ZBBX: variants seen among roughly 807,000 people sequenced by gnomAD.
The protein encoded by ZBBX is zinc finger B-box domain-containing protein 1.
ZBBX carries 101 observed loss-of-function variants against 108.5 expected under a neutral mutation model. The observed-to-expected ratio is 0.93, with a 90% CI of 0.79 to 1.10. The LOEUF is 1.10. ZBBX is among the 50% of genes least tolerant of loss of function. The pLI, the probability that ZBBX is intolerant of heterozygous loss-of-function variation, is 0.00. For synonymous variants in ZBBX, 356 were observed against 323.4 expected, an observed-to-expected ratio of 1.10 and a Z score of -1.08; for missense variants, 1,009 against 941.4, an observed-to-expected ratio of 1.07 and a Z score of -0.94.
the ZBBX span, among the ~76,000 whole-genome samples, chr3:167,182,226 G>A: frequency 6.6e-6 from 1 of 152,066 alleles, no homozygotes; most frequent in African/African-American, 2.4e-5. Context: ...GCTATGGCTT[G>A]TGCCAACAAA....
intron 1 of ZBBX, among the ~76,000 whole-genome samples, chr3:167,403,247 C>T (rs1362968236): frequency 6.6e-6 from 1 of 152,088 alleles, no homozygotes; most frequent in African/African-American, 2.4e-5. Context: ...TAACCCAACG[C>T]ATTGACATTT....
chr3:167,276,140 A>G (rs1241754316), intron 20 of ZBBX, among the ~76,000 whole-genome samples: 1 of 152,204 alleles, frequency 6.6e-6, no homozygotes, highest in Admixed American at 6.5e-5. Context: ...CATCACCATC[A>G]TCAAACAGAG....
intron 9 of ZBBX, among the ~76,000 whole-genome samples, chr3:167,338,748 T>A (rs1284351619): frequency 6.6e-6 from 1 of 151,998 alleles, no homozygotes; most frequent in East Asian, 1.9e-4. Context: ...TTTATTTGAG[T>A]TTGTTAGACA....
chr3:167,368,289 T>C (rs962488627), intron 5 of ZBBX, among the ~76,000 whole-genome samples, 172 bp downstream of exon 5: 2 of 151,888 alleles, frequency 1.3e-5, no homozygotes, highest in African/African-American at 4.8e-5. Flanking sequence ...ACATGTCTCA[T>C]CTAAGTGGCA....
At chr3:167,191,934 T>TATATATATATATATATAGAGAG in the ZBBX span, among the ~76,000 whole-genome samples, 1 of 130,224 alleles carries the variant, frequency 7.7e-6, no homozygotes, top group African/African-American at 3.0e-5. Flanking sequence ...TATATATATA[T>TATATATATATATATATAGAGAG]AGAGCAAGTT....
chr3:167,355,182 A>T (rs1397376258), intron 8 of ZBBX, among the ~76,000 whole-genome samples: 1 of 152,004 alleles, frequency 6.6e-6, no homozygotes, highest in Admixed American at 6.6e-5. Flanking sequence ...ATATAAGAAA[A>T]GTGGAACTTT....
chr3:167,301,750 G>A (rs1460488874), intron 17 of ZBBX, among the ~76,000 whole-genome samples: 1 of 152,088 alleles, frequency 6.6e-6, no homozygotes, highest in Non-Finnish European at 1.5e-5. Flanking sequence ...GAGGTCAGGA[G>A]ATCGAGACCA....
At chr3:167,180,425 C>T in the ZBBX span, among the ~76,000 whole-genome samples, 2,033 of 152,274 alleles carry the variant, frequency 0.013, 22 homozygotes, top group South Asian at 0.026. Flanking sequence ...ATTGTAGTGT[C>T]ATTTACTAAC....
At chr3:167,352,311 T>C (rs150983888) in intron 8 of ZBBX, among the ~76,000 whole-genome samples, 1 of 152,074 alleles carries the variant, frequency 6.6e-6, no homozygotes, top group African/African-American at 2.4e-5. Context: ...ACATTAAAAC[T>C]GATACCATAG....
the ZBBX span, among the ~76,000 whole-genome samples, chr3:167,187,776 C>T: frequency 6.6e-6 from 1 of 152,096 alleles, no homozygotes; most frequent in Non-Finnish European, 1.5e-5. Flanking sequence ...GCAAGGGGTA[C>T]AAAATGAATG....
chr3:167,348,364 GAAAGAAAAA>G (rs1298409573), intron 9 of ZBBX, among the ~76,000 whole-genome samples: 14 of 129,702 alleles, frequency 1.1e-4, no homozygotes, highest in African/African-American at 3.5e-4. Flanking sequence ...AAGAAAGAAA[GAAAGAAAAA>G]AAAGAAAAGA....
At chr3:167,191,608 T>C in the ZBBX span, among the ~76,000 whole-genome samples, 7 of 152,084 alleles carry the variant, frequency 4.6e-5, no homozygotes, top group African/African-American at 1.4e-4. Context: ...CCACGTAAGA[T>C]GTGACTTGCT....
intron 20 of ZBBX, 138 bp from the exon 21 acceptor site, chr3:167,242,781 T>C: frequency 1.3e-6 from 1 of 786,218 alleles, no homozygotes; most frequent in Non-Finnish European, 1.8e-6. Flanking sequence ...TATTCCTCAA[T>C]TTTCTAATGT....
At chr3:167,372,020 G>C (rs1448577341) in intron 4 of ZBBX, among the ~76,000 whole-genome samples, 1 of 152,092 alleles carries the variant, frequency 6.6e-6, no homozygotes, top group African/African-American at 2.4e-5. Flanking sequence ...AAACCAACCT[G>C]GCCAACATGG....
In ZBBX at chr3:167,302,402, A is replaced by G. The variant is rs138127258; in HGVS notation, c.1725+3241T>C. 3.3e-5 allele frequency among the ~76,000 whole-genome samples: 5 copies of G among 152,174 alleles called. No individual in the cohort carries two copies. In the East Asian group the frequency reaches 9.6e-4, roughly 29 times the overall value. On this transcript the variant is annotated intron_variant, in intron 17 of 21. Transcript: ENST00000675490. ...TTTCTATTAAATAGTTGATTTTATC[A>G]TGTACATAATGGTCCCCTTTACCCT...
At chr3:167,344,877 A>AAGTATGTT (rs1175729984) in intron 9 of ZBBX, among the ~76,000 whole-genome samples, 1 of 151,808 alleles carries the variant, frequency 6.6e-6, no homozygotes, top group Non-Finnish European at 1.5e-5. Flanking sequence ...CACTTACCAT[A>AAGTATGTT]AGTATGTTGC....
chr3:167,376,911 T>C (rs907710739), intron 2 of ZBBX, among the ~76,000 whole-genome samples: 2 of 152,178 alleles, frequency 1.3e-5, no homozygotes, highest in African/African-American at 4.8e-5. Flanking sequence ...GATATAACAA[T>C]GTCAGCAGCA....
At chr3:167,255,282 A>C (rs1393156572) in intron 20 of ZBBX, among the ~76,000 whole-genome samples, 1 of 152,082 alleles carries the variant, frequency 6.6e-6, no homozygotes, top group East Asian at 1.9e-4. Context: ...GACCTACTAA[A>C]TACATCTAAT....
chr3:167,279,273 A>G (rs539994852), intron 20 of ZBBX, among the ~76,000 whole-genome samples: 1 of 152,128 alleles, frequency 6.6e-6, no homozygotes, highest in South Asian at 2.1e-4. Flanking sequence ...AAGGAAATAA[A>G]GGGTATTCAA....
Sources: gnomAD v4.1 joint callset for allele counts (sites outside exome capture counted in the v4.1 genomes callset) on GRCh38, gnomAD v4.1.1 for gene constraint, MANE v1.5 for transcripts, NCBI Gene and HGNC (gene_info 2026-07-23, HGNC 2026-07-21) for gene names.